TMEM131: variants seen among roughly 807,000 people sequenced by gnomAD.
TMEM131 encodes 2610524E03Rik.
A neutral mutation model predicts 211.6 loss-of-function variants in TMEM131; 66 were observed. That is an observed-to-expected ratio of 0.31 (90% confidence interval 0.26 to 0.38). The LOEUF (loss-of-function observed/expected upper bound fraction) is 0.38. Among genes scored for constraint, TMEM131 ranks in the 10% least tolerant of loss-of-function variants. The pLI is 1.00. For missense variants in TMEM131, 2,036 were observed against 2,299.3 expected (o/e 0.89, Z 2.34); for synonymous variants, 844 against 841.3 (o/e 1.00, Z -0.06).
intron 1 of TMEM131, among the ~76,000 whole-genome samples, chr2:97,929,298 G>A (rs977764679): frequency 1.3e-5 from 2 of 151,798 alleles, no homozygotes; most frequent in African/African-American, 4.9e-5. Flanking sequence ...AGAAGTACTA[G>A]ATGTAGCCCA....
Position 97,766,577 on chromosome 2 carries a change from G to C in TMEM131, c.4474C>G (p.Pro1492Ala), listed in dbSNP as rs370551442. 15 of 1,613,804 alleles carry C rather than the reference G, an allele frequency of 9.3e-6. No homozygotes were observed. The highest frequency in any genetic ancestry group is 3.3e-5 in the Admixed American group (2 of 60,006). ...TTTCTACGTTGCTTACTTTCCAAAG[G>C]GGGAGTATATGGTAGTTCTAATGAA... ...PSSLELPYTPPLESKQRRNLP... is the reference protein window; with the variant it reads ...PSSLELPYTPALESKQRRNLP... The change falls in exon 34 of 41, where the codon CCT becomes GCT. Residue 1492 changes from proline (P) to alanine (A), a missense_variant. Transcript: ENST00000186436.
intron 32 of TMEM131, among the ~76,000 whole-genome samples, chr2:97,774,337 G>T (rs1357780722): frequency 6.6e-6 from 1 of 152,254 alleles, no homozygotes; most frequent in Non-Finnish European, 1.5e-5. Flanking sequence ...TGAATGGGTA[G>T]AACAGAATTG....
At chr2:97,931,598 T>C (rs1677220421) in intron 1 of TMEM131, among the ~76,000 whole-genome samples, 1 of 152,206 alleles carries the variant, frequency 6.6e-6, no homozygotes, top group African/African-American at 2.4e-5. Context: ...GAAAAATTTA[T>C]GCCATATTGT....
chr2:97,942,207 G>A (rs1219364972), intron 1 of TMEM131, among the ~76,000 whole-genome samples: 2 of 151,692 alleles, frequency 1.3e-5, no homozygotes, highest in Non-Finnish European at 2.9e-5. Context: ...CCATCGTTCT[G>A]AGCAAACTAT....
intron 1 of TMEM131, among the ~76,000 whole-genome samples, chr2:97,929,540 A>G (rs1225958410): frequency 6.6e-6 from 1 of 151,756 alleles, no homozygotes; most frequent in Non-Finnish European, 1.5e-5. Context: ...AAGCAGCAGA[A>G]TAAGATACTA....
intron 1 of TMEM131, among the ~76,000 whole-genome samples, chr2:97,941,677 C>T (rs1677737587): frequency 1.3e-5 from 2 of 152,166 alleles, no homozygotes; most frequent in Admixed American, 1.3e-4. Flanking sequence ...TATGAACAGG[C>T]ACTTCTCAAA....
chr2:97,844,300 A>G, intron 5 of TMEM131, 39 bp from the exon 6 acceptor site: 1 of 685,250 alleles, frequency 1.5e-6, no homozygotes. Context: ...AACAAGAAAA[A>G]AAATTATACA....
At chr2:97,921,056 A>C (rs2104418179) in intron 2 of TMEM131, among the ~76,000 whole-genome samples, 1 of 152,030 alleles carries the variant, frequency 6.6e-6, no homozygotes, top group Non-Finnish European at 1.5e-5. Context: ...GAGAATAACC[A>C]AGACATTACT....
chr2:97,766,542 G>T lies in TMEM131; in HGVS notation c.4509C>A (p.Ser1503Arg). The change falls in exon 34 of 41, where the codon AGC (serine) becomes AGA (arginine). Residue 1503 changes from serine to arginine, a missense_variant. Around this residue, in one of 3 missense-constraint regions of TMEM131, gnomAD observed 1,623 missense variants for 1,805.9 expected, o/e 0.90. Coordinates refer to ENST00000186436, the MANE Select transcript of TMEM131 (RefSeq NM_015348.2). Reference sequence around the variant, plus strand: ...TCATTGCAGTTGGAAGAGGAATCTTGCTTGGGAGATTTCTACGTTGCTTAC... The same window carrying T: ...TCATTGCAGTTGGAAGAGGAATCTTTCTTGGGAGATTTCTACGTTGCTTAC... ...LESKQRRNLP[S>R]KIPLPTAMTS... The T allele has an allele frequency of 6.2e-7, 1 of 1,613,944 alleles. No individual in the cohort carries two copies. Among genetic ancestry groups the T allele is most frequent in the Non-Finnish European group, 8.5e-7 (1 of 1,179,832 alleles).
At chr2:97,919,322 G>A (rs1328846593) in intron 2 of TMEM131, among the ~76,000 whole-genome samples, 2 of 151,940 alleles carry the variant, frequency 1.3e-5, no homozygotes, top group East Asian at 3.9e-4. Context: ...TATTTCCTTT[G>A]GCACAAATTT....
chr2:97,815,091 C>T, intron 13 of TMEM131, 108 bp downstream of exon 13: 1 of 527,720 alleles, frequency 1.9e-6, no homozygotes, highest in Non-Finnish European at 3.1e-6. Context: ...AAAATAATTC[C>T]ATCAAGTTTA....
intron 11 of TMEM131, among the ~76,000 whole-genome samples, chr2:97,825,340 C>A (rs1424844156): frequency 1.3e-5 from 2 of 152,214 alleles, no homozygotes; most frequent in African/African-American, 4.8e-5. Context: ...CCCAGCTTTG[C>A]CTACAGCAGG....
At position 97,768,170 on chromosome 2, in the gene TMEM131, C is replaced by T. The variant is rs1363882995; in HGVS notation, c.4449-1568G>A. 7.9e-5 allele frequency among the ~76,000 whole-genome samples: 12 copies of T among 152,226 alleles called. No individual in the cohort carries two copies. The East Asian group carries it at 2.1e-3, about 27-fold the overall frequency. On this transcript the variant is annotated intron_variant, in intron 33 of 40. Coordinates refer to ENST00000186436, the MANE Select transcript of TMEM131 (RefSeq NM_015348.2). ...GCAAACCAAAAAGCCAAAGGGTTTCCGTTAGCCCAAATAACTAGAATTTTA... is the reference window on the plus strand; with the variant it reads ...GCAAACCAAAAAGCCAAAGGGTTTCTGTTAGCCCAAATAACTAGAATTTTA...
intron 1 of TMEM131, among the ~76,000 whole-genome samples, chr2:97,981,847 T>C (rs895815636): frequency 1.4e-4 from 21 of 152,212 alleles, no homozygotes; most frequent in Admixed American, 4.6e-4. Context: ...TATCACAATG[T>C]TTTCAAGGTT....
chr2:97,759,412 C>T, intron 39 of TMEM131: 1 of 536,064 alleles, frequency 1.9e-6, no homozygotes, highest in South Asian at 2.5e-5. Flanking sequence ...CCCTTCAATA[C>T]CCGCCATGGA....
At chr2:97,963,136 T>C (rs1237032410) in intron 1 of TMEM131, among the ~76,000 whole-genome samples, 1 of 152,174 alleles carries the variant, frequency 6.6e-6, no homozygotes, top group Non-Finnish European at 1.5e-5. Flanking sequence ...CACTTCAAAC[T>C]AGTGAATATT....
At chr2:97,799,557 C>A (rs1680924612) in intron 25 of TMEM131, among the ~76,000 whole-genome samples, 2 of 152,282 alleles carry the variant, frequency 1.3e-5, no homozygotes, top group South Asian at 4.1e-4. Flanking sequence ...TAATAAAATT[C>A]AAGCTTTTGA....
At chr2:97,896,106 C>T (rs1165880287) in intron 3 of TMEM131, among the ~76,000 whole-genome samples, 1 of 152,046 alleles carries the variant, frequency 6.6e-6, no homozygotes, top group Non-Finnish European at 1.5e-5. Flanking sequence ...TTTTTTCTGC[C>T]TTCATTTCAT....
chr2:97,862,261 T>G (rs183335095), intron 4 of TMEM131, among the ~76,000 whole-genome samples: 1 of 151,760 alleles, frequency 6.6e-6, no homozygotes, highest in African/African-American at 2.4e-5. Context: ...GAAGAAGGGG[T>G]ACAAACAAGC....
Sources: gnomAD v4.1 joint callset for allele counts (sites outside exome capture counted in the v4.1 genomes callset) on GRCh38, gnomAD v4.1.1 for gene constraint, gnomAD v4.1.1 regional missense constraint, MANE v1.5 for transcripts, NCBI Gene and HGNC (gene_info 2026-07-23, HGNC 2026-07-21) for gene names.